The following SH2D4B variants were observed in gnomAD, a reference collection of about 807,000 sequenced individuals.
SH2D4B encodes SH2 domain containing 4B.
Under a neutral mutation model 61.5 loss-of-function variants are expected in SH2D4B, and 45 were observed. The observed-to-expected ratio is 0.73, with a 90% CI of 0.58 to 0.94. The LOEUF (loss-of-function observed/expected upper bound fraction) is 0.94. Ranked by LOEUF, SH2D4B falls within the 40% of genes least tolerant of loss-of-function variation. SH2D4B has a pLI of 0.00. For missense variants in SH2D4B, 572 were observed against 574.2 expected (o/e 1.00, Z 0.04); for synonymous variants, 224 against 220.4 (o/e 1.02, Z -0.14).
At chr10:80,580,686 T>G (rs535598409) in intron 3 of SH2D4B, among the ~76,000 whole-genome samples, 1 of 152,174 alleles carries the variant, frequency 6.6e-6, no homozygotes, top group Non-Finnish European at 1.5e-5. Context: ...CCTAGGATTT[T>G]AAAAAATTTT....
At chr10:80,595,417 A>AG (rs1842374783) in intron 4 of SH2D4B, among the ~76,000 whole-genome samples, 1 of 152,162 alleles carries the variant, frequency 6.6e-6, no homozygotes, top group Admixed American at 6.6e-5. Flanking sequence ...CACTAGGTAA[A>AG]GAAGGTGTGA....
intron 3 of SH2D4B, among the ~76,000 whole-genome samples, chr10:80,575,808 A>T (rs1053299188): frequency 6.6e-6 from 1 of 152,144 alleles, no homozygotes; most frequent in Non-Finnish European, 1.5e-5. Flanking sequence ...TGCATCTCCT[A>T]TGAAGAAGGG....
intron 1 of SH2D4B, among the ~76,000 whole-genome samples, chr10:80,568,280 G>A (rs1449937315): frequency 6.6e-6 from 1 of 152,152 alleles, no homozygotes; most frequent in Non-Finnish European, 1.5e-5. Flanking sequence ...CAGGGAGCTG[G>A]AGGAGGCTGA....
At chr10:80,546,862 T>C (rs1483625745) in intron 1 of SH2D4B, among the ~76,000 whole-genome samples, 4 of 152,224 alleles carry the variant, frequency 2.6e-5, no homozygotes. Flanking sequence ...TTCATAAATG[T>C]ATTCAAGCTA....
At chr10:80,588,591 G>A in intron 3 of SH2D4B, 39 bp from the exon 4 acceptor site, 1 of 1,607,842 alleles carries the variant, frequency 6.2e-7, no homozygotes, top group Non-Finnish European at 8.5e-7. Flanking sequence ...CTGAAGTGTT[G>A]TGGTCATCTC....
chr10:80,572,535 A>C (rs1842060168), intron 3 of SH2D4B, among the ~76,000 whole-genome samples: 1 of 152,126 alleles, frequency 6.6e-6, no homozygotes, highest in Admixed American at 6.5e-5. Flanking sequence ...CCATTAAAAA[A>C]ATTTTAAAAC....
At chr10:80,608,690 G>A (rs1356339976) in intron 5 of SH2D4B, among the ~76,000 whole-genome samples, 5 of 151,710 alleles carry the variant, frequency 3.3e-5, no homozygotes, top group Non-Finnish European at 7.4e-5. Context: ...TCCTCCTCCC[G>A]CCCTCCGTGC....
intron 7 of SH2D4B, among the ~76,000 whole-genome samples, chr10:80,642,179 G>A (rs560897441): frequency 1.3e-5 from 2 of 152,262 alleles, no homozygotes; most frequent in Admixed American, 1.3e-4. Context: ...GTAACCTCAA[G>A]ATCCTGGGCT....
chr10:80,555,049 A>G (rs187846906), intron 1 of SH2D4B, among the ~76,000 whole-genome samples: 4 of 151,956 alleles, frequency 2.6e-5, no homozygotes, highest in Admixed American at 2.6e-4. Context: ...ACTTTACAGT[A>G]AAACCTAAGC....
At chr10:80,614,971 AGCCC>A (rs959462823) in intron 6 of SH2D4B, among the ~76,000 whole-genome samples, 1 of 152,210 alleles carries the variant, frequency 6.6e-6, no homozygotes, top group African/African-American at 2.4e-5. Flanking sequence ...CCCTCCTGGG[AGCCC>A]TGTGGATGAG....
At chr10:80,625,068 A>G (rs1009651886) in intron 6 of SH2D4B, among the ~76,000 whole-genome samples, 6 of 152,124 alleles carry the variant, frequency 3.9e-5, no homozygotes, top group South Asian at 2.1e-4. Context: ...ATTTATTGCT[A>G]TATATTAATC....
chr10:80,631,273 G>C (rs1842830616), intron 6 of SH2D4B, among the ~76,000 whole-genome samples: 2 of 152,216 alleles, frequency 1.3e-5, no homozygotes, highest in East Asian at 3.8e-4. Context: ...TTTTGAAATA[G>C]AGCCTTGCTC....
At chr10:80,560,135 C>T (rs1304476857) in intron 1 of SH2D4B, among the ~76,000 whole-genome samples, 1 of 150,960 alleles carries the variant, frequency 6.6e-6, no homozygotes, top group African/African-American at 2.4e-5. Flanking sequence ...CTACAGGTGC[C>T]CGCCACCTCG....
chr10:80,642,711 C>G (rs1840328170), intron 7 of SH2D4B, among the ~76,000 whole-genome samples: 1 of 152,212 alleles, frequency 6.6e-6, no homozygotes, highest in Non-Finnish European at 1.5e-5. Context: ...TTTTCATGAT[C>G]TTGAACAGTG....
At position 80,640,080 on chromosome 10, in the gene SH2D4B, GA is replaced by G. The variant is rs1452152521; in HGVS notation, c.1210-3909del. 3.9e-5 allele frequency among the ~76,000 whole-genome samples: 6 copies of G among 152,290 alleles called. No homozygotes were observed. In the East Asian group the frequency reaches 1.2e-3, roughly 29 times the overall value. On this transcript the variant is annotated intron_variant, in intron 7 of 7. Coordinates refer to ENST00000646907, the MANE Select transcript of SH2D4B (RefSeq NM_001388272.1). Reference sequence around the variant, plus strand: ...TTGGCTGGATATGCAATTCTGGGTTGAAAATTCTTTTGTTTAAGAATGTTGA... The same window carrying G: ...TTGGCTGGATATGCAATTCTGGGTTGAAATTCTTTTGTTTAAGAATGTTGA...
At chr10:80,629,074 A>T (rs1308778305) in intron 6 of SH2D4B, among the ~76,000 whole-genome samples, 1 of 151,240 alleles carries the variant, frequency 6.6e-6, no homozygotes, top group Non-Finnish European at 1.5e-5. Flanking sequence ...AGACTGGGTA[A>T]CTTACTAATA....
At chr10:80,607,102 G>C (rs1015271779) in intron 5 of SH2D4B, among the ~76,000 whole-genome samples, 1 of 152,200 alleles carries the variant, frequency 6.6e-6, no homozygotes, top group Non-Finnish European at 1.5e-5. Context: ...TTTATATTCT[G>C]GGGGAGTCAG....
chr10:80,611,861 T>G (rs1433483437), intron 6 of SH2D4B, among the ~76,000 whole-genome samples: 2 of 123,708 alleles, frequency 1.6e-5, no homozygotes, highest in African/African-American at 7.0e-5. Context: ...TCACAATTTA[T>G]GTAGCTAATT....
intron 1 of SH2D4B, among the ~76,000 whole-genome samples, chr10:80,563,585 T>G (rs1841933137): frequency 6.6e-6 from 1 of 152,246 alleles, no homozygotes; most frequent in African/African-American, 2.4e-5. Context: ...CATCATTATT[T>G]TTCATTAAAT....
Sources: allele counts gnomAD v4.1 joint callset (sites outside exome capture counted in the v4.1 genomes callset), GRCh38; gene constraint gnomAD v4.1.1; transcripts MANE v1.5; gene names NCBI Gene and HGNC (gene_info 2026-07-23, HGNC 2026-07-21).